The following OVCH1 variants were observed in gnomAD, a reference collection of about 807,000 sequenced individuals.
OVCH1 encodes ovochymase-1.
A neutral mutation model predicts 138.4 loss-of-function variants in OVCH1; 139 were observed. That is an observed-to-expected ratio of 1.00 (90% CI 0.87 to 1.16). The LOEUF (loss-of-function observed/expected upper bound fraction) is 1.16. OVCH1 is among the 50% of genes most tolerant of loss of function. The pLI is 0.00. For synonymous variants in OVCH1, 453 were observed against 467.8 expected (o/e 0.97, Z 0.41); for missense variants, 1,367 against 1,357.9 (o/e 1.01, Z -0.11).
At chr12:29,405,084 A>G in the OVCH1 span, among the ~76,000 whole-genome samples, 4 of 149,892 alleles carry the variant, frequency 2.7e-5, no homozygotes, top group Non-Finnish European at 5.9e-5. Context: ...TTTGTAGGTC[A>G]AAAACCATTG....
intron 13 of OVCH1, among the ~76,000 whole-genome samples, chr12:29,475,682 C>T (rs1942682289): frequency 6.6e-6 from 1 of 152,128 alleles, no homozygotes; most frequent in South Asian, 2.1e-4. Context: ...AGCCTCTAAC[C>T]CACAAAAACA....
intron 8 of OVCH1, among the ~76,000 whole-genome samples, chr12:29,480,716 C>T (rs4931190): frequency 0.35 from 53,164 of 150,168 alleles, 10,063 homozygotes; most frequent in East Asian, 0.48. Flanking sequence ...GAGAATCCAG[C>T]TACCACCTAC....
At position 29,419,809 on chromosome 12, in the gene OVCH1, A is replaced by T. The variant is rs201138261; in HGVS notation, c.*71+3318T>A. Among the ~76,000 whole-genome samples, 19 of 152,338 alleles carry T rather than the reference A, an allele frequency of 1.2e-4. No individual in the cohort carries two copies. In the East Asian group the frequency reaches 3.1e-3, roughly 25 times the overall value. The stretch of plus-strand genomic sequence containing the variant: ...AAAAATTTAGAATCTGATGTAACTC[A>T]TCAAATCAAAACTCAAAATTATGAT... On this transcript the variant is annotated intron_variant and NMD_transcript_variant, in intron 3 of 4. Transcript: ENST00000539117.
the OVCH1 span, among the ~76,000 whole-genome samples, chr12:29,403,294 A>G: frequency 1.3e-5 from 2 of 152,192 alleles, no homozygotes; most frequent in African/African-American, 4.8e-5. Context: ...ATAGGAAAGA[A>G]ATCCTGAATA....
rs533288769 is a variant in OVCH1 at position 29,492,028 on chromosome 12, A to G, written c.455-836T>C. ...TTGGGTGAGAGGAGAAGAAACAAACAGCAAATATAATACATTGTTCAGTGG... is the reference window on the plus strand; with the variant it reads ...TTGGGTGAGAGGAGAAGAAACAAACGGCAAATATAATACATTGTTCAGTGG... On this transcript the variant is annotated intron_variant, in intron 4 of 27. Coordinates refer to ENST00000318184, the Ensembl canonical transcript of OVCH1. 4.2e-4 allele frequency among the ~76,000 whole-genome samples: 64 copies of G among 152,324 alleles called. No individual in the cohort carries two copies. The South Asian group carries it at 0.012, about 29-fold the overall frequency.
chr12:29,439,937 C>T (rs770177699), intron 25 of OVCH1, among the ~76,000 whole-genome samples: 2 of 152,186 alleles, frequency 1.3e-5, no homozygotes, highest in Non-Finnish European at 2.9e-5. Flanking sequence ...AGACTGGGCA[C>T]AGAGCTTCAA....
chr12:29,410,792 G>A (rs1166391244), downstream of OVCH1, among the ~76,000 whole-genome samples: 4 of 151,256 alleles, frequency 2.6e-5, no homozygotes, highest in Admixed American at 1.3e-4. Context: ...ATGTTTCTTG[G>A]AGTTGCTCTT....
intron 15 of OVCH1, among the ~76,000 whole-genome samples, chr12:29,472,290 T>G (rs1391327359): frequency 6.6e-6 from 1 of 152,176 alleles, no homozygotes; most frequent in Non-Finnish European, 1.5e-5. Context: ...TGGAATAGAA[T>G]AGATGATAAA....
chr12:29,427,464 T>A, downstream of OVCH1: 1 of 1,464,112 alleles, frequency 6.8e-7, no homozygotes, highest in Non-Finnish European at 9.2e-7. Flanking sequence ...AGAGGAGGTC[T>A]CAGGTAAGGT....
chr12:29,404,314 C>T, the OVCH1 span, among the ~76,000 whole-genome samples: 34 of 152,138 alleles, frequency 2.2e-4, no homozygotes, highest in African/African-American at 2.4e-4. Context: ...GGGCACATTG[C>T]GGTGGTCTTC....
At chr12:29,435,351 C>A (rs776142330) in intron 26 of OVCH1, among the ~76,000 whole-genome samples, 1 of 152,140 alleles carries the variant, frequency 6.6e-6, no homozygotes, top group African/African-American at 2.4e-5. Flanking sequence ...GACAACATAG[C>A]GAGAACCTGT....
chr12:29,477,585 A>T, intron 9 of OVCH1, 107 bp from the exon 11 acceptor site: 1 of 1,613,396 alleles, frequency 6.2e-7, no homozygotes, highest in Non-Finnish European at 8.5e-7. Flanking sequence ...TGATCTAAAC[A>T]CACTAAACTA....
At chr12:29,453,305 T>C (rs1941851023) in intron 21 of OVCH1, among the ~76,000 whole-genome samples, 1 of 152,168 alleles carries the variant, frequency 6.6e-6, no homozygotes. Context: ...GTCCACTCCT[T>C]ATTCCTGGAA....
chr12:29,480,449 C>G (rs1942893723), intron 8 of OVCH1, among the ~76,000 whole-genome samples: 2 of 152,174 alleles, frequency 1.3e-5, no homozygotes, highest in African/African-American at 4.8e-5. Flanking sequence ...CTCAAAATCT[C>G]TAGCTGAAAG....
At chr12:29,471,886 C>A in exon 16 of OVCH1, 1 of 1,613,468 alleles carries the variant, frequency 6.2e-7, no homozygotes, top group Non-Finnish European at 8.5e-7. Context: ...AAACCTCAGA[C>A]CCACCTGCCA....
In OVCH1 at chr12:29,477,134, A is replaced by T. The variant is rs376079972; in HGVS notation, c.1345T>A (p.Phe449Ile). 12 of 1,612,520 alleles carry T rather than the reference A, an allele frequency of 7.4e-6. No homozygotes were observed. Among genetic ancestry groups the T allele is most frequent in the African/African-American group, 1.3e-5 (1 of 74,906 alleles). The stretch of plus-strand genomic sequence containing the variant: ...ATGTGCTTCTCTGGAGCACAAATGA[A>T]CCAATGACACCTTGTGTTACTGGGA... The change falls in exon 12 of 28, where the codon TTC becomes ATC. Residue 449 changes from phenylalanine to isoleucine, a missense_variant. Physicochemically the swap from Phe to Ile is conservative, Grantham distance 21. Transcript: ENST00000318184.
chr12:29,483,565 G>C (rs1341646590), intron 8 of OVCH1, among the ~76,000 whole-genome samples: 1 of 152,086 alleles, frequency 6.6e-6, no homozygotes, highest in Non-Finnish European at 1.5e-5. Context: ...TGGAACTCAA[G>C]GTCCTCTGCA....
intron 26 of OVCH1, among the ~76,000 whole-genome samples, chr12:29,434,147 A>G (rs746981235): frequency 3.3e-5 from 5 of 152,338 alleles, no homozygotes; most frequent in African/African-American, 4.8e-5. Flanking sequence ...CAACTAACAC[A>G]TATGAACTAA....
At chr12:29,409,553 A>C (rs1456314721), downstream of OVCH1, among the ~76,000 whole-genome samples, 1 of 151,790 alleles carries the variant, frequency 6.6e-6, no homozygotes, top group African/African-American at 2.4e-5. Flanking sequence ...TTCTGCCTTC[A>C]TTTCGTTATG....
Sources: gnomAD v4.1 joint callset for allele counts (sites outside exome capture counted in the v4.1 genomes callset) on GRCh38, gnomAD v4.1.1 for gene constraint, MANE v1.5 for transcripts, NCBI Gene and HGNC (gene_info 2026-07-23, HGNC 2026-07-21) for gene names.